IGF1R: variants seen among roughly 807,000 people sequenced by gnomAD.
The protein encoded by IGF1R is insulin like growth factor 1 receptor.
IGF1R carries 44 observed loss-of-function variants against 144.6 expected under a neutral mutation model. That is an observed-to-expected ratio of 0.30 (90% confidence interval 0.24 to 0.39). IGF1R has a LOEUF of 0.39. Among genes scored for constraint, IGF1R ranks in the 10% least tolerant of loss-of-function variants. The pLI is 1.00. For synonymous variants in IGF1R, 795 were observed against 722.8 expected (o/e 1.10, Z -1.60); for missense variants, 1,355 against 1,833.7 (o/e 0.74, Z 4.77).
At chr15:98,812,251 G>C (rs55997155) in intron 2 of IGF1R, among the ~76,000 whole-genome samples, 5,879 of 152,216 alleles carry the variant, frequency 0.039, 384 homozygotes, top group African/African-American at 0.13. Context: ...GGACAGCTGA[G>C]TCAATGACTG....
intron 1 of IGF1R, among the ~76,000 whole-genome samples, chr15:98,701,348 T>A (rs2053727967): frequency 7.4e-6 from 1 of 135,520 alleles, no homozygotes. Flanking sequence ...TTTTTTTTTT[T>A]TTTTTTGAGA....
intron 12 of IGF1R, 97 bp from the exon 13 acceptor site, chr15:98,924,428 C>G: frequency 9.0e-7 from 1 of 1,112,262 alleles, no homozygotes; most frequent in Non-Finnish European, 1.4e-6. Flanking sequence ...GAGGTCAGAT[C>G]AGGCAGCTGG....
intron 2 of IGF1R, among the ~76,000 whole-genome samples, chr15:98,732,169 A>G (rs1253014179): frequency 6.6e-6 from 1 of 152,144 alleles, no homozygotes; most frequent in Non-Finnish European, 1.5e-5. Flanking sequence ...ATCTTATTAG[A>G]GCTTTGTGCA....
intron 5 of IGF1R, among the ~76,000 whole-genome samples, chr15:98,907,592 G>A (rs770846916): frequency 1.3e-5 from 2 of 152,230 alleles, no homozygotes; most frequent in Admixed American, 1.3e-4. Context: ...TCAGCACAGA[G>A]GACTCAGAAG....
intron 1 of IGF1R, among the ~76,000 whole-genome samples, chr15:98,678,789 G>A (rs993378623): frequency 3.9e-5 from 6 of 152,184 alleles, no homozygotes; most frequent in African/African-American, 1.4e-4. Context: ...CTCCCAAGGT[G>A]GTGGGATTAA....
intron 2 of IGF1R, among the ~76,000 whole-genome samples, chr15:98,831,080 G>A (rs2056993793): frequency 6.6e-6 from 1 of 152,122 alleles, no homozygotes. Context: ...CTTCATAAGG[G>A]ATCCACCCCA....
intron 15 of IGF1R, among the ~76,000 whole-genome samples, chr15:98,934,115 CT>C (rs5814913): frequency 0.48 from 65,398 of 137,314 alleles, 14,337 homozygotes; most frequent in South Asian, 0.64. Flanking sequence ...AAATATTTCA[CT>C]TTTTTTTTTT....
intron 8 of IGF1R, among the ~76,000 whole-genome samples, chr15:98,914,784 A>T (rs2015171947): frequency 6.6e-6 from 1 of 152,180 alleles, no homozygotes; most frequent in African/African-American, 2.4e-5. Context: ...CACGCAGCGG[A>T]GACAGACGAG....
In IGF1R at chr15:98,899,458, C is replaced by A; in HGVS notation, c.1103-19C>A. 1 of 1,613,556 alleles carries A rather than the reference C, an allele frequency of 6.2e-7. No individual in the cohort carries two copies. Among genetic ancestry groups the A allele is most frequent in the Non-Finnish European group, 8.5e-7 (1 of 1,179,580 alleles). On this transcript the variant is annotated intron_variant, in intron 4 of 20. Transcript: ENST00000650285. ...TACACCAAGTGAGCACACAGTGACA[C>A]AATCCCCTTTCAATGTAGATAACAT... is the stretch of plus-strand genomic sequence containing the variant.
At chr15:98,675,810 TTTTCTTTC>T (rs202088907) in intron 1 of IGF1R, among the ~76,000 whole-genome samples, 17 of 117,916 alleles carry the variant, frequency 1.4e-4, no homozygotes, top group East Asian at 2.5e-4. Context: ...CTTTTCTTTT[TTTTCTTTC>T]TTTCTTTCTT....
intron 2 of IGF1R, among the ~76,000 whole-genome samples, chr15:98,824,815 G>A (rs545583040): frequency 5.9e-5 from 9 of 151,432 alleles, no homozygotes; most frequent in Admixed American, 3.9e-4. Context: ...ACGCTGTTTC[G>A]TTCTTTATTT....
At position 98,935,256 on chromosome 15, in the gene IGF1R, C is replaced by G; in HGVS notation, c.3187-60C>G. 1 of 1,115,190 alleles carries G rather than the reference C, an allele frequency of 9.0e-7. No homozygotes were observed. Among genetic ancestry groups the G allele is most frequent in the Non-Finnish European group, 1.3e-6 (1 of 785,052 alleles). 69.1% of individuals were successfully genotyped at this position (1,115,190 alleles called of 1,614,324 possible). ...GCACCACAGAGACAGTTCCAGACAA[C>G]ACAGGCATCAGCAAGGGCCACCTGA... On this transcript the variant is annotated intron_variant, in intron 16 of 20. Transcript: ENST00000650285. This position sits in a 1 kb window ranked among gnomAD's most constrained non-coding sequence, Gnocchi z 4.2.
At chr15:98,779,213 A>G (rs2055794646) in intron 2 of IGF1R, among the ~76,000 whole-genome samples, 1 of 152,210 alleles carries the variant, frequency 6.6e-6, no homozygotes, top group African/African-American at 2.4e-5. Flanking sequence ...TCCCAAGAGA[A>G]TAAGTTTTCA....
At chr15:98,842,826 G>C (rs2011198180) in intron 2 of IGF1R, among the ~76,000 whole-genome samples, 1 of 152,202 alleles carries the variant, frequency 6.6e-6, no homozygotes. Flanking sequence ...ATGAGCCTAA[G>C]ATTTTCAACA....
At chr15:98,883,178 C>A (rs757178320) in intron 2 of IGF1R, among the ~76,000 whole-genome samples, 10 of 152,192 alleles carry the variant, frequency 6.6e-5, no homozygotes, top group Non-Finnish European at 2.9e-5. Flanking sequence ...TAAGACACAG[C>A]GCTTGCCACT....
At chr15:98,956,635 C>G (rs1027181156) in intron 20 of IGF1R, among the ~76,000 whole-genome samples, 1 of 152,222 alleles carries the variant, frequency 6.6e-6, no homozygotes, top group Non-Finnish European at 1.5e-5. Flanking sequence ...CATCAGCCTT[C>G]CTGGTGAGAA....
intron 2 of IGF1R, chr15:98,873,799 A>T (rs1172989574): frequency 6.6e-6 from 1 of 152,218 alleles, no homozygotes; most frequent in Admixed American, 6.5e-5. Flanking sequence ...GTGTAGGTGG[A>T]TGCTGGCTAT....
At chr15:98,691,969 C>T (rs2053487494) in intron 1 of IGF1R, among the ~76,000 whole-genome samples, 1 of 152,154 alleles carries the variant, frequency 6.6e-6, no homozygotes, top group Non-Finnish European at 1.5e-5. Context: ...CCTGTTGCCC[C>T]ATGTCCTCAC....
intron 5 of IGF1R, among the ~76,000 whole-genome samples, chr15:98,901,706 G>A (rs888321322): frequency 6.6e-6 from 1 of 152,200 alleles, no homozygotes; most frequent in Non-Finnish European, 1.5e-5. Flanking sequence ...TGTGCCCTAG[G>A]CATGGAGAAG....
Sources: gnomAD v4.1 joint callset for allele counts (sites outside exome capture counted in the v4.1 genomes callset) on GRCh38, gnomAD v4.1.1 for gene constraint, Gnocchi (gnomAD v3.1) non-coding constraint, MANE v1.5 for transcripts, NCBI Gene and HGNC (gene_info 2026-07-23, HGNC 2026-07-21) for gene names.